The following NFXL1 variants were observed in gnomAD, a reference collection of about 807,000 sequenced individuals.
The protein encoded by NFXL1 is NF-X1-type zinc finger protein NFXL1.
NFXL1 carries 66 observed loss-of-function variants against 123.3 expected under a neutral mutation model. The ratio of observed to expected loss-of-function variants is 0.54; its 90% CI spans 0.44 to 0.66. The LOEUF is 0.66. Among genes scored for constraint, NFXL1 ranks in the 30% least tolerant of loss-of-function variants. NFXL1 has a pLI of 0.00. For missense variants in NFXL1, 944 were observed against 1,125.6 expected (o/e 0.84, Z 2.31); for synonymous variants, 346 against 360.8 (o/e 0.96, Z 0.46).
Position 47,896,771 on chromosome 4 carries a change from C to T in NFXL1, c.1205-124G>A, listed in dbSNP as rs895062499. 6.9e-6 allele frequency: 4 copies of T among 578,830 alleles called. No individual in the cohort carries two copies. The East Asian group carries it at 1.1e-4, about 17-fold the overall frequency. 35.9% of individuals were successfully genotyped at this position (578,830 alleles called of 1,614,324 possible). ...TTCAGACTATAAATTTTTGTATCCACATAATCATTGGGAAAAATTAACTTT... is the reference window on the plus strand; with the variant it reads ...TTCAGACTATAAATTTTTGTATCCATATAATCATTGGGAAAAATTAACTTT... On this transcript the variant is annotated intron_variant, in intron 9 of 22. Coordinates refer to ENST00000507489, the MANE Select transcript of NFXL1 (RefSeq NM_001278624.2).
chr4:47,877,245 AC>A, intron 17 of NFXL1: 1 of 448,688 alleles, frequency 2.2e-6, no homozygotes, highest in Non-Finnish European at 4.5e-6. Flanking sequence ...TATGGCAGAA[AC>A]AAAAAAAATC....
At chr4:47,886,040 C>A (rs558256677) in intron 12 of NFXL1, 41 bp from the exon 13 acceptor site, 2 of 1,588,640 alleles carry the variant, frequency 1.3e-6, no homozygotes, top group South Asian at 2.2e-5. Flanking sequence ...TCCTTAACTA[C>A]CCAAATGCCT....
Position 47,910,861 on chromosome 4 carries a change from T to C in NFXL1, c.369A>G (p.Ile123Met), listed in dbSNP as rs1560607348. 2 of 1,601,350 alleles carry C rather than the reference T, an allele frequency of 1.2e-6. No homozygotes were observed. The highest frequency in any genetic ancestry group is 1.1e-5 in the South Asian group (1 of 88,462). Residue 123 changes from isoleucine to methionine, a missense_variant, in exon 3 of 23, where the codon ATA (isoleucine) becomes ATG (methionine). Around this residue, in one of 4 missense-constraint regions of NFXL1, gnomAD observed 303 missense variants for 292.1 expected, o/e 1.04. Coordinates refer to ENST00000507489, the MANE Select transcript of NFXL1 (RefSeq NM_001278624.2). ...DEDFEGKQGKILANTFITYTT... is the reference protein window; with the variant it reads ...DEDFEGKQGKMLANTFITYTT... ...TGTATGTTATAAACGTATTTGCAAG[T>C]ATTTTTCCCTGTTTTCCTTCAAAAT...
At chr4:47,881,682 T>G (rs1042692820) in intron 15 of NFXL1, among the ~76,000 whole-genome samples, 1 of 152,164 alleles carries the variant, frequency 6.6e-6, no homozygotes, top group Non-Finnish European at 1.5e-5. Flanking sequence ...CTTTATGCAA[T>G]GTATTATTAT....
At position 47,907,134 on chromosome 4, in the gene NFXL1, G is replaced by A. The variant is rs146546955; in HGVS notation, c.407-1788C>T. 2.0e-5 allele frequency among the ~76,000 whole-genome samples: 3 copies of A among 152,272 alleles called. No homozygotes were observed. In the East Asian group the frequency reaches 5.8e-4, roughly 29 times the overall value. ...AATGACAGTACACAGGCAGAGTAAG[G>A]GTAGATTTAAGAAATTTAGGAAGTA... On this transcript the variant is annotated intron_variant, in intron 3 of 22. Coordinates refer to ENST00000507489, the MANE Select transcript of NFXL1 (RefSeq NM_001278624.2).
chr4:47,902,801 T>C (rs1300763144), intron 5 of NFXL1, among the ~76,000 whole-genome samples: 2 of 152,212 alleles, frequency 1.3e-5, no homozygotes, highest in African/African-American at 4.8e-5. Context: ...AAGCCCAACA[T>C]GGATATTGAA....
chr4:47,880,548 C>T (rs190690108), intron 15 of NFXL1, among the ~76,000 whole-genome samples: 45 of 147,756 alleles, frequency 3.0e-4, no homozygotes, highest in Non-Finnish European at 5.2e-4. Flanking sequence ...AAGCAAATAA[C>T]GCAATATAAA....
At chr4:47,908,523 G>T (rs1737666462) in intron 3 of NFXL1, among the ~76,000 whole-genome samples, 1 of 152,004 alleles carries the variant, frequency 6.6e-6, no homozygotes, top group South Asian at 2.1e-4. Flanking sequence ...TAACTAACAG[G>T]CCTGAATCCT....
At position 47,862,725 on chromosome 4, in the gene NFXL1, G is replaced by A. The variant is rs73818033; in HGVS notation, c.2316+121C>T. The A allele has an allele frequency of 2.4e-3, 1,716 of 717,060 alleles. 26 individuals carry two copies. The African/African-American group carries it at 0.029, about 12-fold the overall frequency. 44.4% of individuals were successfully genotyped at this position (717,060 alleles called of 1,614,324 possible). ...CATCTACCCTAACTATATGTCTTACGTGTTTATTTAAAAAGATACAACAGA... is the reference window on the plus strand; with the variant it reads ...CATCTACCCTAACTATATGTCTTACATGTTTATTTAAAAAGATACAACAGA... On this transcript the variant is annotated intron_variant, in intron 19 of 22. Transcript: ENST00000507489.
intron 19 of NFXL1, among the ~76,000 whole-genome samples, chr4:47,860,634 A>G (rs1269974364): frequency 1.3e-5 from 2 of 152,258 alleles, no homozygotes; most frequent in Non-Finnish European, 2.9e-5. Context: ...AAACAAGAAC[A>G]TAAATAAGAG....
intron 15 of NFXL1, 100 bp from the exon 16 acceptor site, chr4:47,879,217 T>G: frequency 4.1e-6 from 2 of 485,800 alleles, no homozygotes; most frequent in Non-Finnish European, 7.2e-6. Context: ...TAAATACATA[T>G]GGAATAAGCA....
intron 3 of NFXL1, among the ~76,000 whole-genome samples, chr4:47,908,007 G>A (rs1388909314): frequency 1.3e-5 from 2 of 152,118 alleles, no homozygotes; most frequent in African/African-American, 2.4e-5. Context: ...AAATTCCTTA[G>A]AAACCTACTT....
chr4:47,895,769 A>C (rs1404448854), intron 10 of NFXL1, among the ~76,000 whole-genome samples: 1 of 152,188 alleles, frequency 6.6e-6, no homozygotes, highest in East Asian at 1.9e-4. Context: ...TAGCAATTTT[A>C]ATTTCCTTCA....
chr4:47,873,564 T>G (rs1211684501), intron 18 of NFXL1, among the ~76,000 whole-genome samples: 1 of 152,196 alleles, frequency 6.6e-6, no homozygotes, highest in Non-Finnish European at 1.5e-5. Flanking sequence ...AAGGAATCTT[T>G]CTGATCAGTA....
intron 3 of NFXL1, 147 bp downstream of exon 3, chr4:47,910,677 C>T (rs942661391): frequency 4.6e-5 from 20 of 437,698 alleles, no homozygotes; most frequent in African/African-American, 6.1e-5. Context: ...AACTCAAATA[C>T]CAAAGTGTAC....
At chr4:47,879,991 T>C (rs1735989317) in intron 15 of NFXL1, among the ~76,000 whole-genome samples, 1 of 152,120 alleles carries the variant, frequency 6.6e-6, no homozygotes, top group African/African-American at 2.4e-5. Flanking sequence ...TAATTTGGGT[T>C]TAATTATGAC....
intron 9 of NFXL1, among the ~76,000 whole-genome samples, chr4:47,897,209 G>A (rs1011603906): frequency 1.3e-5 from 2 of 152,116 alleles, no homozygotes; most frequent in Non-Finnish European, 2.9e-5. Context: ...CTACTGAGAC[G>A]GCTGAGGCAG....
At chr4:47,886,573 T>C (rs916938626) in intron 12 of NFXL1, among the ~76,000 whole-genome samples, 3 of 152,038 alleles carry the variant, frequency 2.0e-5, no homozygotes, top group Non-Finnish European at 4.4e-5. Context: ...TCTCACTATG[T>C]CATCCAGGCT....
At chr4:47,872,685 A>G (rs560234579) in intron 18 of NFXL1, among the ~76,000 whole-genome samples, 2 of 152,322 alleles carry the variant, frequency 1.3e-5, no homozygotes, top group African/African-American at 4.8e-5. Flanking sequence ...CAATGTGTAT[A>G]CCTTAACAAT....
Sources: allele counts gnomAD v4.1 joint callset (sites outside exome capture counted in the v4.1 genomes callset), GRCh38; gene constraint gnomAD v4.1.1; regional missense constraint gnomAD v4.1.1; transcripts MANE v1.5; gene names NCBI Gene and HGNC (gene_info 2026-07-23, HGNC 2026-07-21).